Variants in AQP7B observed in about 807,000 individuals in gnomAD.
AQP7B encodes the protein putative aquaporin-7B.
the AQP7B span, among the ~76,000 whole-genome samples, chr2:94,601,762 G>A: frequency 6.6e-6 from 1 of 152,108 alleles, no homozygotes; most frequent in East Asian, 1.9e-4. Flanking sequence ...ATGGGAGAAT[G>A]GAAGGTATGG....
the AQP7B span, among the ~76,000 whole-genome samples, chr2:94,595,102 G>A: frequency 3.3e-5 from 5 of 152,158 alleles, no homozygotes; most frequent in Admixed American, 1.3e-4. Flanking sequence ...GGTATCCGGG[G>A]CACGGCTGGA....
At chr2:94,602,845 C>T in the AQP7B span, among the ~76,000 whole-genome samples, 83 of 152,308 alleles carry the variant, frequency 5.4e-4, no homozygotes, top group Admixed American at 1.1e-3. Flanking sequence ...GGCAAGCCAT[C>T]GCCTTCTGTG....
At chr2:94,602,499 G>T in the AQP7B span, 140 of 1,604,900 alleles carry the variant, frequency 8.7e-5, no homozygotes, top group Middle Eastern at 2.3e-4. Flanking sequence ...TAGGTATTCG[G>T]CCTTGGTTCT....
At chr2:94,600,540 C>T in the AQP7B span, among the ~76,000 whole-genome samples, 14 of 151,778 alleles carry the variant, frequency 9.2e-5, no homozygotes, top group East Asian at 2.0e-4. Context: ...AAGACCAGCC[C>T]GGGCAACATA....
chr2:94,596,602 A>G, the AQP7B span, among the ~76,000 whole-genome samples: 1 of 152,218 alleles, frequency 6.6e-6, no homozygotes, highest in South Asian at 2.1e-4. Context: ...TATATTGTGT[A>G]GAATTAGACC....
chr2:94,603,599 A>T, the AQP7B span: 1 of 1,372,314 alleles, frequency 7.3e-7, no homozygotes, highest in African/African-American at 1.4e-5. Context: ...AGAACTCTGG[A>T]TGGAGACTGT....
the AQP7B span, among the ~76,000 whole-genome samples, chr2:94,592,581 AGTCCTGGGAAG>A: frequency 6.6e-6 from 1 of 152,140 alleles, no homozygotes; most frequent in East Asian, 2.0e-4. Context: ...GCCCAAAGAC[AGTCCTGGGAAG>A]GTACCATAGA....
At chr2:94,604,022 G>A in the AQP7B span, 210 of 820,556 alleles carry the variant, frequency 2.6e-4, no homozygotes, top group African/African-American at 3.2e-3. Flanking sequence ...CAGCACAGGA[G>A]GGTCCTGCAG....
At chr2:94,597,419 G>A in the AQP7B span, among the ~76,000 whole-genome samples, 1 of 151,958 alleles carries the variant, frequency 6.6e-6, no homozygotes, top group Non-Finnish European at 1.5e-5. Context: ...AATGCATCCC[G>A]GGCTCTGTGA....
chr2:94,603,836 A>G, the AQP7B span: 24 of 1,469,080 alleles, frequency 1.6e-5, no homozygotes, highest in Non-Finnish European at 2.3e-5. Context: ...AGGGTGTCCC[A>G]TGGCATAAAC....
chr2:94,598,360 C>T, the AQP7B span, among the ~76,000 whole-genome samples: 1 of 152,116 alleles, frequency 6.6e-6, no homozygotes, highest in African/African-American at 2.4e-5. Context: ...GGGTGTTGCC[C>T]TTGGAGCTGG....
At chr2:94,594,639 G>T in the AQP7B span, 1 of 739,684 alleles carries the variant, frequency 1.4e-6, no homozygotes. Context: ...CGTGTGTGGC[G>T]AGGCTGCTGG....
the AQP7B span, chr2:94,603,654 C>A: frequency 1.5e-6 from 2 of 1,312,518 alleles, no homozygotes; most frequent in Non-Finnish European, 2.1e-6. Flanking sequence ...GGGCCACTGC[C>A]GATGTCCTGT....
At chr2:94,588,472 T>G in the AQP7B span, 7 of 625,228 alleles carry the variant, frequency 1.1e-5, no homozygotes, top group East Asian at 1.9e-4. Context: ...CCTCCAGCCC[T>G]AGTGACCTCT....
the AQP7B span, among the ~76,000 whole-genome samples, chr2:94,596,846 C>A: frequency 6.6e-6 from 1 of 152,144 alleles, no homozygotes; most frequent in African/African-American, 2.4e-5. Flanking sequence ...ACTACAGGCA[C>A]GTGCCACTGT....
chr2:94,590,698 C>A, the AQP7B span, among the ~76,000 whole-genome samples: 1 of 151,924 alleles, frequency 6.6e-6, no homozygotes, highest in African/African-American at 2.4e-5. Flanking sequence ...ATCCCTGCAC[C>A]TTGGGAGGCT....
chr2:94,603,516 A>T, the AQP7B span: 1 of 1,602,502 alleles, frequency 6.2e-7, no homozygotes, highest in South Asian at 1.1e-5. Flanking sequence ...GTGGTCCAGG[A>T]TGAGTACCCC....
chr2:94,602,432 G>A, the AQP7B span: 1 of 1,531,662 alleles, frequency 6.5e-7, no homozygotes, highest in Non-Finnish European at 8.9e-7. Context: ...TGAGCTCTGA[G>A]CCCTCCTCTG....
At chr2:94,595,925 G>C in the AQP7B span, among the ~76,000 whole-genome samples, 1 of 152,212 alleles carries the variant, frequency 6.6e-6, no homozygotes, top group East Asian at 1.9e-4. Flanking sequence ...TCACAACACA[G>C]GTGGTGGTTG....
Sources: gnomAD v4.1 joint callset for allele counts (sites outside exome capture counted in the v4.1 genomes callset) on GRCh38, gnomAD v4.1.1 for gene constraint, MANE v1.5 for transcripts, NCBI Gene and HGNC (gene_info 2026-07-23, HGNC 2026-07-21) for gene names.